PPP2R2C: variants seen among roughly 807,000 people sequenced by gnomAD.
PPP2R2C encodes protein phosphatase 2 regulatory subunit Bgamma, also known as protein phosphatase 2, regulatory subunit B, gamma.
Under a neutral mutation model 45.3 loss-of-function variants are expected in PPP2R2C, and 10 were observed. The ratio of observed to expected loss-of-function variants is 0.22; its 90% CI spans 0.14 to 0.37. The LOEUF is 0.37. Among genes scored for constraint, PPP2R2C ranks in the 10% least tolerant of loss-of-function variants. The probability of loss-of-function intolerance (pLI) is 1.00; values close to 1 mark genes in which losing one functional copy is unlikely to be tolerated. For synonymous variants in PPP2R2C, 257 were observed against 245.4 expected (o/e 1.05, Z -0.44); for missense variants, 308 against 619.7 (o/e 0.50, Z 5.34).
chr4:6,511,255 C>T (rs892609651), intron 2 of PPP2R2C, among the ~76,000 whole-genome samples: 19 of 124,048 alleles, frequency 1.5e-4, no homozygotes, highest in Admixed American at 1.1e-3. Flanking sequence ...GATGCTGATG[C>T]TGATGCTGAT....
chr4:6,525,255 A>T (rs1056189939), intron 2 of PPP2R2C, among the ~76,000 whole-genome samples: 2 of 152,012 alleles, frequency 1.3e-5, no homozygotes, highest in Non-Finnish European at 2.9e-5. Flanking sequence ...AAATAAAAAA[A>T]TTAGCCGGGC....
At chr4:6,436,634 C>T (rs1487581943) in intron 1 of PPP2R2C, among the ~76,000 whole-genome samples, 1 of 152,236 alleles carries the variant, frequency 6.6e-6, no homozygotes, top group Admixed American at 6.5e-5. Context: ...CCTGCTGCTC[C>T]ATATGAGTCA....
intron 1 of PPP2R2C, among the ~76,000 whole-genome samples, chr4:6,430,646 C>T (rs752748985): frequency 3.3e-5 from 5 of 152,120 alleles, no homozygotes; most frequent in East Asian, 1.9e-4. Flanking sequence ...CAGATCCAGC[C>T]GGGCACGGTG....
intron 1 of PPP2R2C, among the ~76,000 whole-genome samples, chr4:6,405,610 A>G (rs550110810): frequency 3.9e-5 from 6 of 152,142 alleles, no homozygotes; most frequent in African/African-American, 1.4e-4. Flanking sequence ...CAAATCCCCC[A>G]GGTTCCTGGG....
intron 1 of PPP2R2C, among the ~76,000 whole-genome samples, chr4:6,455,111 C>T (rs930387996): frequency 4.6e-5 from 7 of 152,156 alleles, no homozygotes; most frequent in Admixed American, 3.9e-4. Context: ...GACTGATGGG[C>T]TTGCTGTAAT....
chr4:6,394,601 C>A (rs557165494), intron 1 of PPP2R2C, among the ~76,000 whole-genome samples: 3 of 152,194 alleles, frequency 2.0e-5, no homozygotes, highest in African/African-American at 7.2e-5. Context: ...TCACCCCTGC[C>A]GCAGGGCTCT....
intron 1 of PPP2R2C, 174 bp from the exon 2 acceptor site, chr4:6,381,268 G>C (rs1305796778): frequency 6.5e-7 from 1 of 1,532,014 alleles, no homozygotes; most frequent in African/African-American, 1.4e-5. Context: ...CCACCAACCT[G>C]TCCCCTCCTG....
rs138291684 is a variant in PPP2R2C, at chr4:6,381,935, T to C, written c.71-841A>G. The C allele has an allele frequency of 2.9e-5, 45 of 1,533,022 alleles. No homozygotes were observed. The Middle Eastern group carries it at 4.6e-3, about 156-fold the overall frequency. 95.0% of individuals were successfully genotyped at this position (1,533,022 alleles called of 1,614,324 possible). ...AGGTTCTACGAGTCACAGAGATGAG[T>C]GGCCTGCACATTCTGGGTGGCCAGC... On this transcript the variant is annotated intron_variant, in intron 1 of 8. Transcript: ENST00000382599.
At chr4:6,442,033 G>C (rs944650813) in intron 1 of PPP2R2C, among the ~76,000 whole-genome samples, 1 of 152,318 alleles carries the variant, frequency 6.6e-6, no homozygotes, top group East Asian at 1.9e-4. Flanking sequence ...AAGCCAAACG[G>C]TGTCCGTGGG....
At chr4:6,412,193 G>C (rs1032343682) in intron 1 of PPP2R2C, among the ~76,000 whole-genome samples, 11 of 152,192 alleles carry the variant, frequency 7.2e-5, no homozygotes, top group Non-Finnish European at 1.3e-4. Context: ...AGTTTAAAAA[G>C]ACCTTCTCTT....
intron 5 of PPP2R2C, among the ~76,000 whole-genome samples, chr4:6,363,414 T>G (rs1032348087): frequency 6.6e-6 from 1 of 151,832 alleles, no homozygotes; most frequent in East Asian, 1.9e-4. Flanking sequence ...CCGTCTCTAC[T>G]AAAAAATACA....
intron 2 of PPP2R2C, 139 bp downstream of exon 2, chr4:6,380,858 G>C (rs1409222665): frequency 8.4e-6 from 11 of 1,316,858 alleles, no homozygotes; most frequent in Non-Finnish European, 1.1e-5. Context: ...CCCTCTTGTG[G>C]GTTGGAGTAT....
chr4:6,504,243 C>G (rs1723150819), intron 2 of PPP2R2C, among the ~76,000 whole-genome samples: 1 of 152,182 alleles, frequency 6.6e-6, no homozygotes, highest in African/African-American at 2.4e-5. Flanking sequence ...AAACAGTCCA[C>G]CAAAGGCTAA....
chr4:6,553,472 A>G (rs543860575), intron 1 of PPP2R2C, among the ~76,000 whole-genome samples: 3 of 152,336 alleles, frequency 2.0e-5, no homozygotes, highest in Admixed American at 1.3e-4. Context: ...CCCACCAGCA[A>G]CGGTATCATT....
intron 1 of PPP2R2C, among the ~76,000 whole-genome samples, chr4:6,447,633 T>C (rs1341019435): frequency 6.6e-6 from 1 of 150,968 alleles, no homozygotes; most frequent in Admixed American, 6.6e-5. Context: ...GGTGATTTAA[T>C]GAAAAGGAGG....
chr4:6,383,491 C>T, intron 1 of PPP2R2C: 1 of 1,200,152 alleles, frequency 8.3e-7, no homozygotes, highest in Non-Finnish European at 1.1e-6. Context: ...AAGTCCTGGC[C>T]ACCTGCTGTC....
chr4:6,470,935 G>C (rs983633503), intron 1 of PPP2R2C, among the ~76,000 whole-genome samples: 1 of 151,494 alleles, frequency 6.6e-6, no homozygotes, highest in Non-Finnish European at 1.5e-5. Flanking sequence ...CTGCCTCCCG[G>C]GCCAGGGCGC....
At chr4:6,386,753 A>C (rs369877315) in intron 1 of PPP2R2C, among the ~76,000 whole-genome samples, 31 of 152,356 alleles carry the variant, frequency 2.0e-4, no homozygotes, top group African/African-American at 7.5e-4. Context: ...CAGTCAGTGG[A>C]AACTCACCTG....
chr4:6,519,278 C>T (rs1577235742), intron 2 of PPP2R2C, among the ~76,000 whole-genome samples: 2 of 152,112 alleles, frequency 1.3e-5, no homozygotes, highest in African/African-American at 4.8e-5. Flanking sequence ...TATGAGAGCC[C>T]CCACGGCACC....
Sources: gnomAD v4.1 joint callset for allele counts (sites outside exome capture counted in the v4.1 genomes callset) on GRCh38, gnomAD v4.1.1 for gene constraint, MANE v1.5 for transcripts, NCBI Gene and HGNC (gene_info 2026-07-23, HGNC 2026-07-21) for gene names.